Variants in RAB39A observed in about 807,000 individuals in gnomAD.
The protein encoded by RAB39A is RAB39A, member RAS oncogene family.
RAB39A carries 17 observed loss-of-function variants against 20.9 expected under a neutral mutation model. The ratio of observed to expected loss-of-function variants is 0.81; its 90% CI spans 0.56 to 1.22. RAB39A has a LOEUF of 1.22. Among genes scored for constraint, RAB39A ranks in the 50% most tolerant of loss-of-function variants. RAB39A has a pLI of 0.00. For missense variants in RAB39A, 234 were observed against 270.5 expected (o/e 0.87, Z 0.95); for synonymous variants, 99 against 103.4 (o/e 0.96, Z 0.26).
intron 1 of RAB39A, among the ~76,000 whole-genome samples, chr11:107,932,646 A>T (rs1466340759): frequency 6.6e-6 from 1 of 152,188 alleles, no homozygotes; most frequent in Non-Finnish European, 1.5e-5. Flanking sequence ...TGTGCCTAGG[A>T]TGTAGGAAAG....
chr11:107,942,318 T>C lies in RAB39A; in HGVS notation c.227+13523T>C, dbSNP rs149218658. ...GGTCAACCACGCTGTGGTCAACATT[T>C]TGGCCATTTTGATAGGTAAGTAACT... On this transcript the variant is annotated intron_variant, in intron 1 of 1. Transcript: ENST00000320578. Among the ~76,000 whole-genome samples, 16 of 152,272 alleles carry C rather than the reference T, an allele frequency of 1.1e-4. No individual in the cohort carries two copies. In the East Asian group the frequency reaches 2.9e-3, roughly 28 times the overall value.
At position 107,945,318 on chromosome 11, in the gene RAB39A, C is replaced by CA. The variant is rs33940061; in HGVS notation, c.227+16546dup. On this transcript the variant is annotated intron_variant, in intron 1 of 1. Coordinates refer to ENST00000320578, the MANE Select transcript of RAB39A (RefSeq NM_017516.3). ...GCAACACAGCAAAACCCCGTCTCTA[C>CA]AAAAAAAAAAAAAAAAAAAAAAAGT... Among the ~76,000 whole-genome samples the CA allele has an allele frequency of 1.9e-3, 167 of 87,320 alleles. 1 individual carries two copies. Among genetic ancestry groups the CA allele is most frequent in the Middle Eastern group, 6.3e-3 (1 of 160 alleles). The allele number at this position is 87,320 out of a possible 152,430, so 57.3% of individuals were successfully genotyped here.
chr11:107,962,431 C>A lies in RAB39A; in HGVS notation c.*59C>A, dbSNP rs1461058275. 2.1e-6 allele frequency: 3 copies of A among 1,403,654 alleles called. No individual in the cohort carries two copies. The highest frequency in any genetic ancestry group is 2.9e-6 in the Non-Finnish European group (3 of 1,031,490). The allele number at this position is 1,403,654 out of a possible 1,614,324, so 86.9% of individuals were successfully genotyped here. A position where few individuals can be genotyped will look rare whatever the true frequency, so the allele number is the denominator to read the frequency against. ...TTGGGTGTCAGTTCAGGATAAATACCAACATTAACAGCAGAATGATGCAAT... is the reference window on the plus strand; with the variant it reads ...TTGGGTGTCAGTTCAGGATAAATACAAACATTAACAGCAGAATGATGCAAT... On this transcript the variant is annotated 3_prime_UTR_variant, in exon 2 of 2. Coordinates refer to ENST00000320578, the MANE Select transcript of RAB39A (RefSeq NM_017516.3).
intron 1 of RAB39A, among the ~76,000 whole-genome samples, chr11:107,938,377 AAAAG>A (rs1218067956): frequency 7.3e-5 from 11 of 150,036 alleles, no homozygotes; most frequent in African/African-American, 2.7e-4. Flanking sequence ...AAAAAAAAAA[AAAAG>A]AATGAGACAG....
At chr11:107,946,456 ATATATTTTTTTTT>A (rs1459155353) in intron 1 of RAB39A, among the ~76,000 whole-genome samples, 543 of 43,554 alleles carry the variant, frequency 0.012, 11 homozygotes, top group Non-Finnish European at 0.02. Flanking sequence ...ATATATATAT[ATATATTTTTTTTT>A]TTTTTTTTTT....
At chr11:107,949,105 G>A (rs1247917497) in intron 1 of RAB39A, among the ~76,000 whole-genome samples, 1 of 152,108 alleles carries the variant, frequency 6.6e-6, no homozygotes, top group Non-Finnish European at 1.5e-5. Flanking sequence ...CCAATTGCTT[G>A]AGCCCAGGAG....
At chr11:107,942,080 C>G (rs1565463188) in intron 1 of RAB39A, among the ~76,000 whole-genome samples, 1 of 95,156 alleles carries the variant, frequency 1.1e-5, no homozygotes, top group Non-Finnish European at 1.8e-5. Context: ...GCCTGGGCAA[C>G]AGAGAGAGAT....
chr11:107,955,712 C>T (rs1460403695), intron 1 of RAB39A, among the ~76,000 whole-genome samples: 1 of 152,078 alleles, frequency 6.6e-6, no homozygotes, highest in Non-Finnish European at 1.5e-5. Flanking sequence ...GTGGTGCATG[C>T]CTGTAATCCC....
At chr11:107,959,983 A>G (rs2134975930) in intron 1 of RAB39A, among the ~76,000 whole-genome samples, 2 of 152,332 alleles carry the variant, frequency 1.3e-5, no homozygotes, top group South Asian at 2.1e-4. Flanking sequence ...AGGCCGAGGC[A>G]GGTGGATCAC....
At chr11:107,959,849 A>G (rs1331168581) in intron 1 of RAB39A, among the ~76,000 whole-genome samples, 1 of 152,210 alleles carries the variant, frequency 6.6e-6, no homozygotes, top group Non-Finnish European at 1.5e-5. Flanking sequence ...ACCATTGACA[A>G]ACTGGAAACT....
At chr11:107,936,581 T>C (rs1591241635) in intron 1 of RAB39A, among the ~76,000 whole-genome samples, 1 of 152,252 alleles carries the variant, frequency 6.6e-6, no homozygotes, top group Non-Finnish European at 1.5e-5. Context: ...TAAGAGACTT[T>C]TTAAAATCTC....
chr11:107,931,988 T>A (rs1279054731), intron 1 of RAB39A, among the ~76,000 whole-genome samples: 2 of 151,378 alleles, frequency 1.3e-5, no homozygotes, highest in Non-Finnish European at 2.9e-5. Flanking sequence ...GCCTCCCAAG[T>A]GGCTGAGACT....
intron 1 of RAB39A, among the ~76,000 whole-genome samples, chr11:107,941,149 T>C (rs1209093008): frequency 6.6e-6 from 1 of 152,186 alleles, no homozygotes; most frequent in Admixed American, 6.6e-5. Context: ...TTAATAGACG[T>C]AATTTGAGAA....
At chr11:107,941,544 A>G (rs1312339822) in intron 1 of RAB39A, among the ~76,000 whole-genome samples, 1 of 152,106 alleles carries the variant, frequency 6.6e-6, no homozygotes, top group African/African-American at 2.4e-5. Context: ...TTGTCCCCTC[A>G]TTCAAAATTA....
At chr11:107,934,016 A>T (rs1232375044) in intron 1 of RAB39A, among the ~76,000 whole-genome samples, 1 of 152,192 alleles carries the variant, frequency 6.6e-6, no homozygotes, top group East Asian at 1.9e-4. Context: ...CCTGTATTCC[A>T]TATGGCACTC....
intron 1 of RAB39A, among the ~76,000 whole-genome samples, chr11:107,950,223 G>A (rs1386054754): frequency 6.6e-6 from 1 of 151,416 alleles, no homozygotes; most frequent in Non-Finnish European, 1.5e-5. Flanking sequence ...TCACCTATAT[G>A]TGTATAGAGT....
chr11:107,940,694 C>T (rs1355712166), intron 1 of RAB39A, among the ~76,000 whole-genome samples: 4 of 152,028 alleles, frequency 2.6e-5, no homozygotes, highest in African/African-American at 7.2e-5. Context: ...CCACCTCGGC[C>T]GGGTGTGGTG....
In RAB39A at chr11:107,962,427, A is replaced by T; in HGVS notation, c.*55A>T. 3 of 1,448,002 alleles carry T rather than the reference A, an allele frequency of 2.1e-6. No homozygotes were observed. The highest frequency in any genetic ancestry group is 2.8e-6 in the Non-Finnish European group (3 of 1,068,398). The allele number at this position is 1,448,002 out of a possible 1,614,324, so 89.7% of individuals were successfully genotyped here. On this transcript the variant is annotated 3_prime_UTR_variant, in exon 2 of 2. Transcript: ENST00000320578. ...CAGATTGGGTGTCAGTTCAGGATAA[A>T]TACCAACATTAACAGCAGAATGATG...
chr11:107,953,240 A>G (rs1034656842), intron 1 of RAB39A, among the ~76,000 whole-genome samples: 1 of 152,212 alleles, frequency 6.6e-6, no homozygotes, highest in Non-Finnish European at 1.5e-5. Context: ...GTTGAAAGAT[A>G]TAAGAGATTT....
Sources: gnomAD v4.1 joint callset for allele counts (sites outside exome capture counted in the v4.1 genomes callset) on GRCh38, gnomAD v4.1.1 for gene constraint, MANE v1.5 for transcripts, NCBI Gene and HGNC (gene_info 2026-07-23, HGNC 2026-07-21) for gene names.